CCNB3: variants seen among roughly 807,000 people sequenced by gnomAD.
CCNB3 encodes the protein G2/mitotic-specific cyclin-B3.
CCNB3 carries 12 observed loss-of-function variants against 68.0 expected under a neutral mutation model. The observed-to-expected ratio is 0.18, with a 90% CI of 0.11 to 0.29. The LOEUF is 0.29. Ranked by LOEUF, CCNB3 falls within the 10% of genes least tolerant of loss-of-function variation. The pLI is 1.00. For missense variants in CCNB3, 904 were observed against 993.1 expected, an observed-to-expected ratio of 0.91 and a Z score of 1.21; for synonymous variants, 354 against 388.9, an observed-to-expected ratio of 0.91 and a Z score of 1.06.
chrX:50,347,748 C>G lies in CCNB3; in HGVS notation c.3933C>G (p.Ala1311=), dbSNP rs782006480. 5.8e-6 allele frequency: 7 copies of G among 1,207,763 alleles called. No homozygotes were observed. In the East Asian group the frequency reaches 1.8e-4, roughly 31 times the overall value. ...SKLAAASLLL[A]LYMKKLGYWV... is the part of the protein sequence containing the mutation. Reference sequence around the variant, plus strand: ...TAGCTGCTGCCTCCTTACTCCTGGCCCTCTACATGAAGAAGCTCGGATACT... The same window carrying G: ...TAGCTGCTGCCTCCTTACTCCTGGCGCTCTACATGAAGAAGCTCGGATACT... Residue 1311 remains alanine (A), a synonymous_variant, in exon 11 of 13, where the codon GCC becomes GCG. Transcript: ENST00000376042.
In CCNB3 at chrX:50,312,752, A is replaced by G; in HGVS notation, c.3423+120A>G. 3 of 476,599 alleles carry G rather than the reference A, an allele frequency of 6.3e-6. No homozygotes were observed. In the South Asian group the frequency reaches 1.0e-4, roughly 17 times the overall value. The allele number at this position is 476,599 out of a possible 1,213,427, so 39.3% of individuals were successfully genotyped here. A position where few individuals can be genotyped will look rare whatever the true frequency, so the allele number is the denominator to read the frequency against. On this transcript the variant is annotated intron_variant, in intron 7 of 12. Coordinates refer to ENST00000376042, the MANE Select transcript of CCNB3 (RefSeq NM_033031.3). ...GATGATAAAAATAATAATAGCAACA[A>G]CTAACATATTGGTAGCTTACTGTGA... is the stretch of plus-strand genomic sequence containing the variant.
chrX:50,289,434 C>A (rs1345007994), intron 4 of CCNB3, among the ~76,000 whole-genome samples: 1 of 111,440 alleles, frequency 9.0e-6, no homozygotes, highest in African/African-American at 3.3e-5. Flanking sequence ...TCTAGAAATT[C>A]AATTTTGGCT....
Position 50,281,528 on chromosome X carries a change from G to C in CCNB3, c.-112-3014G>C, listed in dbSNP as rs1936136362. Among the ~76,000 whole-genome samples the C allele has an allele frequency of 2.7e-5, 3 of 111,079 alleles. No homozygotes were observed. In the South Asian group the frequency reaches 1.2e-3, roughly 43 times the overall value. ...TCCTTGGGCGTCACTCCAGCCCCTT[G>C]CTGAATTCTGTTGCTGGGATGCGCG... On this transcript the variant is annotated intron_variant, in intron 1 of 12. Transcript: ENST00000376042.
intron 5 of CCNB3, among the ~76,000 whole-genome samples, chrX:50,304,090 C>T (rs73495623): frequency 0.054 from 5,972 of 111,081 alleles, 366 homozygotes; most frequent in African/African-American, 0.18. Context: ...GAAAACTAAC[C>T]TTTCTTAATT....
At chrX:50,205,445 G>T (rs782423010) in intron 1 of CCNB3, among the ~76,000 whole-genome samples, 1 of 105,355 alleles carries the variant, frequency 9.5e-6, no homozygotes, top group Non-Finnish European at 2.0e-5. Flanking sequence ...TGTCTCAAAA[G>T]AAAAAAAAAA....
intron 9 of CCNB3, among the ~76,000 whole-genome samples, chrX:50,345,355 C>G (rs1352293316): frequency 2.8e-5 from 3 of 106,070 alleles, no homozygotes; most frequent in Non-Finnish European, 5.8e-5. Flanking sequence ...TGCTTCCTTC[C>G]CAGGCTCCCT....
chrX:50,281,628 A>T (rs188852357), intron 1 of CCNB3, among the ~76,000 whole-genome samples: 64 of 111,387 alleles, frequency 5.7e-4, no homozygotes, highest in African/African-American at 2.0e-3. Flanking sequence ...AAGATTGGGC[A>T]GGGGGAGTGT....
chrX:50,319,948 C>T (rs1921931349), intron 8 of CCNB3, among the ~76,000 whole-genome samples: 1 of 110,754 alleles, frequency 9.0e-6, no homozygotes, highest in Non-Finnish European at 1.9e-5. Context: ...TTTTATATTC[C>T]TGAGATAAAC....
chrX:50,308,728 G>A lies in CCNB3; in HGVS notation c.559G>A (p.Val187Met), dbSNP rs782259997. The change falls in exon 6 of 13, where the codon GTG (valine) becomes ATG (methionine). Residue 187 changes from valine (V) to methionine (M), a missense_variant. Coordinates refer to ENST00000376042, the MANE Select transcript of CCNB3 (RefSeq NM_033031.3). ...AAAAAAGTGCTCAAATCATGAGGAG[G>A]TGTCCTTACTGGAAAAGCTACAGCC... ...SLKKCSNHEE[V>M]SLLEKLQPLQ... is the part of the protein sequence containing the mutation. The A allele has an allele frequency of 5.8e-6, 7 of 1,209,096 alleles. No homozygotes were observed. The highest frequency in any genetic ancestry group is 3.0e-5 in the East Asian group (1 of 33,752).
At chrX:50,203,492 A>G (rs1434396422), upstream of CCNB3, among the ~76,000 whole-genome samples, 2 of 112,211 alleles carry the variant, frequency 1.8e-5, no homozygotes, top group Non-Finnish European at 3.8e-5. Context: ...TATAATTGGG[A>G]ACACCACTTC....
chrX:50,288,905 A>G lies in CCNB3; in HGVS notation c.204+18A>G, dbSNP rs781971964. On this transcript the variant is annotated intron_variant, in intron 4 of 12. Transcript: ENST00000376042. ...TCACTAATGTGAGTATGCTAGTCCAATCCTTTGCTATGGTTTTGCATAAGG... is the reference window on the plus strand; with the variant it reads ...TCACTAATGTGAGTATGCTAGTCCAGTCCTTTGCTATGGTTTTGCATAAGG... 6.7e-6 allele frequency: 7 copies of G among 1,048,325 alleles called. No homozygotes were observed. In the East Asian group the frequency reaches 1.2e-4, roughly 19 times the overall value. 86.4% of individuals were successfully genotyped at this position (1,048,325 alleles called of 1,213,427 possible). A position where few individuals can be genotyped will look rare whatever the true frequency, so the allele number is the denominator to read the frequency against.
intron 8 of CCNB3, among the ~76,000 whole-genome samples, chrX:50,332,159 G>A (rs1314275594): frequency 9.0e-6 from 1 of 111,146 alleles, no homozygotes; most frequent in Non-Finnish European, 1.9e-5. Flanking sequence ...ATGCATTTGG[G>A]CACCCTTTTT....
intron 1 of CCNB3, among the ~76,000 whole-genome samples, chrX:50,215,652 A>G (rs1245342501): frequency 7.2e-5 from 8 of 110,604 alleles, no homozygotes; most frequent in African/African-American, 2.6e-4. Flanking sequence ...CAATTCTGTC[A>G]GTCTTTGCTT....
intron 9 of CCNB3, among the ~76,000 whole-genome samples, chrX:50,345,624 C>T (rs1557220189): frequency 9.0e-6 from 1 of 111,364 alleles, no homozygotes; most frequent in Non-Finnish European, 1.9e-5. Flanking sequence ...CCTCTGTTGG[C>T]CAGGACAGAG....
chrX:50,298,098 C>G (rs1364243179), intron 5 of CCNB3, among the ~76,000 whole-genome samples: 8 of 111,639 alleles, frequency 7.2e-5, no homozygotes, highest in African/African-American at 2.3e-4. Flanking sequence ...TTGACTTCCT[C>G]TTTTCCTAAT....
chrX:50,311,567 G>T, intron 6 of CCNB3, 71 bp downstream of exon 6: 11 of 742,890 alleles, frequency 1.5e-5, no homozygotes, highest in East Asian at 3.6e-5. Flanking sequence ...TGCTAGCAAA[G>T]TTGTTTTTTT....
intron 8 of CCNB3, 158 bp from the exon 9 acceptor site, chrX:50,342,044 A>G (rs1923171400): frequency 1.8e-6 from 1 of 557,741 alleles, no homozygotes; most frequent in African/African-American, 2.2e-5. Context: ...GGAGATATAC[A>G]CAGGAACCTA....
chrX:50,294,954 C>T lies in CCNB3; in HGVS notation c.296C>T (p.Ala99Val), dbSNP rs1286362295. 1.7e-6 allele frequency: 2 copies of T among 1,207,272 alleles called. No homozygotes were observed. Among genetic ancestry groups the T allele is most frequent in the Admixed American group, 4.4e-5 (2 of 45,532 alleles). Residue 99 changes from alanine to valine, a missense_variant, in exon 5 of 13, where the codon GCT becomes GTT. This residue lies in a region of CCNB3 where 619 missense variants were observed against 609.8 expected (regional missense o/e 1.02). Coordinates refer to ENST00000376042, the MANE Select transcript of CCNB3 (RefSeq NM_033031.3). ...VSKKINRNTHALGLAKKNKRN... is the reference protein window; with the variant it reads ...VSKKINRNTHVLGLAKKNKRN... Reference sequence around the variant, plus strand: ...AAGAAGATAAACAGGAACACACATGCTCTTGGACTGGCCAAAAAGAATAAG... The same window carrying T: ...AAGAAGATAAACAGGAACACACATGTTCTTGGACTGGCCAAAAAGAATAAG...
intron 5 of CCNB3, among the ~76,000 whole-genome samples, chrX:50,298,637 C>G (rs1162054520): frequency 9.0e-6 from 1 of 111,424 alleles, no homozygotes; most frequent in Non-Finnish European, 1.9e-5. Context: ...CAGAATGATG[C>G]TGGCCTCATA....
Sources: allele counts gnomAD v4.1 joint callset (sites outside exome capture counted in the v4.1 genomes callset), GRCh38; gene constraint gnomAD v4.1.1; regional missense constraint gnomAD v4.1.1; transcripts MANE v1.5; gene names NCBI Gene and HGNC (gene_info 2026-07-23, HGNC 2026-07-21).